The following HCN1 variants were observed in gnomAD, a reference collection of about 807,000 sequenced individuals.
HCN1 encodes hyperpolarization activated cyclic nucleotide gated potassium channel 1, also known as potassium/sodium hyperpolarization-activated cyclic nucleotide-gated channel 1.
In HCN1, 13 loss-of-function variants were observed where a neutral mutation model predicts 78.9. That is an observed-to-expected ratio of 0.16 (90% confidence interval 0.11 to 0.26). The LOEUF (loss-of-function observed/expected upper bound fraction) is 0.26, where lower values mean the gene tolerates loss of function less well. Ranked by LOEUF, HCN1 falls within the 10% of genes least tolerant of loss-of-function variation. The pLI is 1.00. For missense variants in HCN1, 810 were observed against 1,154.3 expected, an observed-to-expected ratio of 0.70 and a Z score of 4.32; for synonymous variants, 552 against 455.5, an observed-to-expected ratio of 1.21 and a Z score of -2.70.
intron 2 of HCN1, among the ~76,000 whole-genome samples, chr5:45,462,923 C>A (rs530289868): frequency 2.0e-5 from 3 of 151,850 alleles, no homozygotes; most frequent in Admixed American, 6.6e-5. Flanking sequence ...TATATTTTAC[C>A]TAGTCTAGAA....
At chr5:45,488,682 C>T (rs1447511381) in intron 2 of HCN1, among the ~76,000 whole-genome samples, 1 of 152,132 alleles carries the variant, frequency 6.6e-6, no homozygotes, top group Non-Finnish European at 1.5e-5. Context: ...TCAAAGGTTG[C>T]AGTCCTACTG....
Position 45,278,219 on chromosome 5 carries a change from T to C in HCN1, c.1619-10966A>G, listed in dbSNP as rs138963034. Among the ~76,000 whole-genome samples the C allele has an allele frequency of 2.6e-3, 403 of 152,232 alleles. 3 individuals are homozygous for C. The highest frequency in any genetic ancestry group is 4.4e-3 in the Non-Finnish European group (301 of 67,998). On this transcript the variant is annotated intron_variant, in intron 6 of 7. Coordinates refer to ENST00000303230, the MANE Select transcript of HCN1 (RefSeq NM_021072.4). ...TTAAGAGCCTCTACCTTTTCTTTTA[T>C]TTCCTTCACTCGATAGATTACAATG...
chr5:45,409,801 A>G (rs1739991822), intron 3 of HCN1, among the ~76,000 whole-genome samples: 1 of 151,866 alleles, frequency 6.6e-6, no homozygotes, highest in Non-Finnish European at 1.5e-5. Flanking sequence ...TTATAAGTAC[A>G]CTGAATTTCA....
At chr5:45,347,563 C>A (rs1169166522) in intron 5 of HCN1, among the ~76,000 whole-genome samples, 5 of 152,296 alleles carry the variant, frequency 3.3e-5, no homozygotes, top group East Asian at 1.9e-4. Context: ...GATCAAACTA[C>A]TCCGAGCTAC....
chr5:45,296,962 T>A (rs1399835112), intron 6 of HCN1, among the ~76,000 whole-genome samples: 1 of 151,972 alleles, frequency 6.6e-6, no homozygotes, highest in African/African-American at 2.4e-5. Context: ...TGAGACCAGC[T>A]CGGTCAGGGA....
intron 2 of HCN1, among the ~76,000 whole-genome samples, chr5:45,545,838 T>C (rs1743212324): frequency 6.6e-6 from 1 of 152,080 alleles, no homozygotes; most frequent in African/African-American, 2.4e-5. Context: ...CCTTTCACTC[T>C]GCTAGTAAAA....
At chr5:45,299,167 T>A in intron 6 of HCN1, among the ~76,000 whole-genome samples, 1 of 152,000 alleles carries the variant, frequency 6.6e-6, no homozygotes, top group East Asian at 1.9e-4. Flanking sequence ...TGTATCAGAT[T>A]CTGAACAGAA....
intron 5 of HCN1, among the ~76,000 whole-genome samples, chr5:45,338,222 G>C (rs1746504977): frequency 6.6e-6 from 1 of 152,088 alleles, no homozygotes. Flanking sequence ...TTAGGCAAAA[G>C]TCATTTGTAT....
chr5:45,565,771 C>A (rs538270262), intron 2 of HCN1, among the ~76,000 whole-genome samples: 1 of 151,896 alleles, frequency 6.6e-6, no homozygotes, highest in Non-Finnish European at 1.5e-5. Context: ...ACCACTGCAC[C>A]CAGCAAGGGC....
intron 2 of HCN1, among the ~76,000 whole-genome samples, chr5:45,543,289 A>C (rs1743141296): frequency 6.6e-6 from 1 of 152,102 alleles, no homozygotes; most frequent in Non-Finnish European, 1.5e-5. Flanking sequence ...ATTACGATCT[A>C]TCTATAACAT....
At chr5:45,354,453 C>G (rs545979316) in intron 4 of HCN1, among the ~76,000 whole-genome samples, 18 of 151,962 alleles carry the variant, frequency 1.2e-4, no homozygotes, top group Admixed American at 3.9e-4. Context: ...TTTATATGGA[C>G]AAGATTTTCT....
rs1744760508 is a variant in HCN1, at chr5:45,262,252, C to T, written c.2342G>A (p.Arg781Gln). The T allele has an allele frequency of 1.9e-6, 3 of 1,613,888 alleles. No homozygotes were observed. Among genetic ancestry groups the T allele is most frequent in the Admixed American group, 1.7e-5 (1 of 60,010 alleles). ...CGAGGCGGAGAGTGGCCTGACTTCC[C>T]GGGTCAGGTTGGTGTTGTGAAGCGC... ...TQALHNTNLT[R>Q]EVRPLSASQP... is the part of the protein sequence containing the mutation. The change falls in exon 8 of 8, where the codon CGG becomes CAG. Residue 781 changes from arginine to glutamine, a missense_variant. By Grantham distance (43) the Arg-to-Gln change is conservative. Around this residue, in one of 6 missense-constraint regions of HCN1, gnomAD observed 398 missense variants for 381.3 expected, o/e 1.04. Transcript: ENST00000303230.
chr5:45,454,496 A>T lies in HCN1; in HGVS notation c.1011+7350T>A, dbSNP rs187453550. Among the ~76,000 whole-genome samples, 335 of 151,506 alleles carry T rather than the reference A, an allele frequency of 2.2e-3. 1 individual carries two copies. The highest frequency in any genetic ancestry group is 6.5e-3 in the African/African-American group (268 of 41,070). On this transcript the variant is annotated intron_variant, in intron 3 of 7. Coordinates refer to ENST00000303230, the MANE Select transcript of HCN1 (RefSeq NM_021072.4). ...GTTAGGTCTTAAAAAAAAATAAAAAAAAATAAAAAAAAATAAAATCTTTCT... is the reference window on the plus strand; with the variant it reads ...GTTAGGTCTTAAAAAAAAATAAAAATAAATAAAAAAAAATAAAATCTTTCT...
rs1744589665 is a variant in HCN1, at chr5:45,255,529, C to T, written c.*6392G>A. ...TGACGCTGCAGTTCCATGCACCACACTTTCCACAGTGAGGCACGCAAGAAC... is the reference window on the plus strand; with the variant it reads ...TGACGCTGCAGTTCCATGCACCACATTTTCCACAGTGAGGCACGCAAGAAC... On this transcript the variant is annotated 3_prime_UTR_variant, in exon 8 of 8. Coordinates refer to ENST00000303230, the MANE Select transcript of HCN1 (RefSeq NM_021072.4). 6.6e-6 allele frequency: 1 copy of T among 152,202 alleles called. No individual in the cohort carries two copies. Among genetic ancestry groups the T allele is most frequent in the Non-Finnish European group, 1.5e-5 (1 of 68,040 alleles). The allele number at this position is 152,202 out of a possible 1,614,324, so 9.4% of individuals were successfully genotyped here.
intron 4 of HCN1, among the ~76,000 whole-genome samples, chr5:45,372,036 A>G (rs1160113751): frequency 1.8e-5 from 1 of 57,122 alleles, no homozygotes; most frequent in African/African-American, 9.6e-5. Context: ...ATATAATTAT[A>G]TATATATTAT....
chr5:45,609,188 C>T lies in HCN1; in HGVS notation c.849+35997G>A, dbSNP rs147930988. Reference sequence around the variant, plus strand: ...CATCATTTTGTAAAGCTGAAACTGCCCATATCTTGTAACTTGCAATTCTAC... The same window carrying T: ...CATCATTTTGTAAAGCTGAAACTGCTCATATCTTGTAACTTGCAATTCTAC... On this transcript the variant is annotated intron_variant, in intron 2 of 7. Coordinates refer to ENST00000303230, the MANE Select transcript of HCN1 (RefSeq NM_021072.4). Among the ~76,000 whole-genome samples, 1,017 of 152,026 alleles carry T rather than the reference C, an allele frequency of 6.7e-3. 12 individuals are homozygous for T. The highest frequency in any genetic ancestry group is 0.024 in the African/African-American group (980 of 41,510).
At chr5:45,531,102 A>G (rs902533682) in intron 2 of HCN1, among the ~76,000 whole-genome samples, 1 of 152,104 alleles carries the variant, frequency 6.6e-6, no homozygotes, top group Non-Finnish European at 1.5e-5. Flanking sequence ...CATGAAAAAA[A>G]CAGCAATAAT....
rs1744660098 is a variant in HCN1, at chr5:45,258,220, A to G, written c.*3701T>C. The G allele has an allele frequency of 6.6e-6, 1 of 152,122 alleles. No individual in the cohort carries two copies. Among genetic ancestry groups the G allele is most frequent in the Non-Finnish European group, 1.5e-5 (1 of 68,010 alleles). 9.4% of individuals were successfully genotyped at this position (152,122 alleles called of 1,614,324 possible). A position where few individuals can be genotyped will look rare whatever the true frequency, so the allele number is the denominator to read the frequency against. On this transcript the variant is annotated 3_prime_UTR_variant, in exon 8 of 8. Coordinates refer to ENST00000303230, the MANE Select transcript of HCN1 (RefSeq NM_021072.4). ...TAAATAGTCCTGAAAGATAATAGAG[A>G]TTGCTCATAATTTGAAGTAGACATA...
At chr5:45,660,138 G>A (rs1303972075) in intron 1 of HCN1, among the ~76,000 whole-genome samples, 2 of 118,734 alleles carry the variant, frequency 1.7e-5, no homozygotes, top group African/African-American at 7.6e-5. Context: ...AAGAGAGTGG[G>A]GGCCAATATT....
Sources: allele counts gnomAD v4.1 joint callset (sites outside exome capture counted in the v4.1 genomes callset), GRCh38; gene constraint gnomAD v4.1.1; regional missense constraint gnomAD v4.1.1; transcripts MANE v1.5; gene names NCBI Gene and HGNC (gene_info 2026-07-23, HGNC 2026-07-21).